Variants in RARB observed in about 807,000 individuals in gnomAD.
RARB encodes the protein retinoic acid receptor beta, also known as HBV-activated protein.
Under a neutral mutation model 51.9 loss-of-function variants are expected in RARB, and 17 were observed. The observed-to-expected ratio is 0.33, with a 90% CI of 0.22 to 0.49. The LOEUF (loss-of-function observed/expected upper bound fraction) is 0.49, where lower values mean the gene tolerates loss of function less well. Among genes scored for constraint, RARB ranks in the 20% least tolerant of loss-of-function variants. RARB has a pLI of 0.99. For missense variants in RARB, 369 were observed against 550.8 expected (o/e 0.67, Z 3.30); for synonymous variants, 215 against 195.4 (o/e 1.10, Z -0.84).
At chr3:25,521,185 C>T (rs1380397135) in intron 3 of RARB, among the ~76,000 whole-genome samples, 1 of 152,188 alleles carries the variant, frequency 6.6e-6, no homozygotes, top group African/African-American at 2.4e-5. Context: ...CCAAGACTTC[C>T]TATCTACAGA....
chr3:25,437,387 A>G (rs1420348960), intron 1 of RARB, among the ~76,000 whole-genome samples: 1 of 152,074 alleles, frequency 6.6e-6, no homozygotes. Context: ...TTGCTCATTG[A>G]TGGATTAGTT....
chr3:25,422,332 C>T (rs190767100), intron 5 of RARB, among the ~76,000 whole-genome samples: 1 of 152,254 alleles, frequency 6.6e-6, no homozygotes, highest in East Asian at 1.9e-4. Flanking sequence ...CTAAGTGGCA[C>T]ATCTAATCTT....
rs555782950 is a variant in RARB, at chr3:25,045,295, C to T, written c.-379-14830C>T. Among the ~76,000 whole-genome samples the T allele has an allele frequency of 2.6e-5, 4 of 152,306 alleles. No homozygotes were observed. The East Asian group carries it at 5.8e-4, about 22-fold the overall frequency. ...GGTCAGTGAGCTTTCTGGTTTCCCTCTCCCTTTCTTCTCTCCCCTAATTAA... is the reference window on the plus strand; with the variant it reads ...GGTCAGTGAGCTTTCTGGTTTCCCTTTCCCTTTCTTCTCTCCCCTAATTAA... On this transcript the variant is annotated intron_variant, in intron 2 of 11. Transcript: ENST00000383772.
At chr3:25,320,984 A>G (rs931895782) in intron 5 of RARB, among the ~76,000 whole-genome samples, 1 of 152,192 alleles carries the variant, frequency 6.6e-6, no homozygotes, top group African/African-American at 2.4e-5. Flanking sequence ...CATTCTTTAT[A>G]TCCTTCTTTG....
At chr3:25,267,973 G>A (rs972352683) in intron 5 of RARB, among the ~76,000 whole-genome samples, 9 of 152,104 alleles carry the variant, frequency 5.9e-5, no homozygotes, top group African/African-American at 2.2e-4. Context: ...CTCTCTCAAG[G>A]TATTTTCAAA....
chr3:25,391,479 T>C (rs1344745077), intron 5 of RARB, among the ~76,000 whole-genome samples: 1 of 152,174 alleles, frequency 6.6e-6, no homozygotes, highest in African/African-American at 2.4e-5. Flanking sequence ...ACACTGTCTT[T>C]CATAGTGGTT....
intron 3 of RARB, among the ~76,000 whole-genome samples, chr3:25,080,586 A>T (rs1698973776): frequency 6.6e-6 from 1 of 152,118 alleles, no homozygotes; most frequent in African/African-American, 2.4e-5. Flanking sequence ...CTTATTTTGT[A>T]TTGTTTTGAA....
At chr3:24,979,122 T>A (rs1204517025) in intron 2 of RARB, among the ~76,000 whole-genome samples, 1 of 152,230 alleles carries the variant, frequency 6.6e-6, no homozygotes, top group Non-Finnish European at 1.5e-5. Context: ...AGAGAAAGTT[T>A]GTTGTGATTT....
intron 3 of RARB, among the ~76,000 whole-genome samples, chr3:25,523,112 G>T (rs1286753): frequency 6.6e-6 from 1 of 152,006 alleles, no homozygotes; most frequent in South Asian, 2.1e-4. Context: ...GCCAATATGT[G>T]CCCAAATGTA....
At chr3:25,457,179 C>T (rs979745870) in intron 1 of RARB, among the ~76,000 whole-genome samples, 4 of 151,938 alleles carry the variant, frequency 2.6e-5, no homozygotes, top group Admixed American at 6.6e-5. Context: ...GTCATTAGGA[C>T]GTTAAAAAGC....
At chr3:25,330,922 CAAAG>C (rs1469044217) in intron 5 of RARB, among the ~76,000 whole-genome samples, 1 of 152,116 alleles carries the variant, frequency 6.6e-6, no homozygotes, top group East Asian at 1.9e-4. Context: ...TCAAAAGAGA[CAAAG>C]AAGGCCATTA....
At position 25,428,917 on chromosome 3, in the gene RARB, C is replaced by CA; in HGVS notation, c.157+31dup. ...GGTTTATTTTTTTCCCTTCTTCTAC[C>CA]AAGAAAAAAAAAATTGTCTCTCTTG... On this transcript the variant is annotated intron_variant, in intron 1 of 7. Transcript: ENST00000330688. 5 of 1,550,770 alleles carry CA rather than the reference C, an allele frequency of 3.2e-6. No individual in the cohort carries two copies. In the Admixed American group the frequency reaches 5.8e-5, roughly 18 times the overall value.
chr3:24,985,382 G>T (rs1696766857), intron 2 of RARB, among the ~76,000 whole-genome samples: 1 of 147,278 alleles, frequency 6.8e-6, no homozygotes, highest in Non-Finnish European at 1.5e-5. Context: ...ACATTTCCCA[G>T]CTGAACAATA....
intron 2 of RARB, among the ~76,000 whole-genome samples, chr3:25,475,590 A>G (rs1460562350): frequency 6.6e-6 from 1 of 152,176 alleles, no homozygotes. Context: ...ATTTTGTGAC[A>G]CTTACTTCTT....
At chr3:25,237,683 G>A (rs1268590199) in intron 5 of RARB, among the ~76,000 whole-genome samples, 1 of 151,932 alleles carries the variant, frequency 6.6e-6, no homozygotes, top group Non-Finnish European at 1.5e-5. Context: ...TCTAATTCCA[G>A]AACATGTTAT....
intron 3 of RARB, among the ~76,000 whole-genome samples, chr3:25,517,006 A>G (rs375602876): frequency 2.0e-5 from 3 of 152,200 alleles, no homozygotes; most frequent in African/African-American, 7.2e-5. Flanking sequence ...AAAATGACAA[A>G]TTCTTCCCTA....
At chr3:25,144,217 C>T (rs961579962) in intron 4 of RARB, among the ~76,000 whole-genome samples, 7 of 152,110 alleles carry the variant, frequency 4.6e-5, no homozygotes, top group African/African-American at 1.7e-4. Flanking sequence ...TAATACAGTA[C>T]AGAAGATGGC....
intron 2 of RARB, among the ~76,000 whole-genome samples, chr3:24,985,339 T>C (rs546374941): frequency 2.0e-5 from 3 of 147,732 alleles, no homozygotes; most frequent in Non-Finnish European, 4.5e-5. Context: ...ATTTGCCTCA[T>C]GGTTTTTTTG....
At chr3:25,560,532 A>G (rs757662836) in intron 3 of RARB, among the ~76,000 whole-genome samples, 2 of 152,342 alleles carry the variant, frequency 1.3e-5, no homozygotes, top group Middle Eastern at 3.4e-3. Flanking sequence ...GAGCGTGGCC[A>G]TAAATGTTCA....
Sources: allele counts gnomAD v4.1 joint callset (sites outside exome capture counted in the v4.1 genomes callset), GRCh38; gene constraint gnomAD v4.1.1; transcripts MANE v1.5; gene names NCBI Gene and HGNC (gene_info 2026-07-23, HGNC 2026-07-21).